Variants in DMKN observed in about 807,000 individuals in gnomAD.
The protein encoded by DMKN is epidermis-specific secreted protein SK30/SK89.
DMKN carries 58 observed loss-of-function variants against 67.6 expected under a neutral mutation model. The ratio of observed to expected loss-of-function variants is 0.86; its 90% confidence interval spans 0.69 to 1.07. DMKN has a LOEUF of 1.07. DMKN is among the 50% of genes least tolerant of loss of function. The probability of loss-of-function intolerance (pLI) is 0.00; values close to 1 mark genes in which losing one functional copy is unlikely to be tolerated. For synonymous variants in DMKN, 240 were observed against 232.3 expected (o/e 1.03, Z -0.30); for missense variants, 596 against 601.5 (o/e 0.99, Z 0.10).
intron 7 of DMKN, chr19:35,506,865 TAGTC>T (rs2069649149): frequency 4.6e-6 from 1 of 218,172 alleles, no homozygotes; most frequent in Non-Finnish European, 9.4e-6. Context: ...AATACAAAAT[TAGTC>T]AGGCATGGTG....
At chr19:35,505,916 C>T in intron 8 of DMKN, 23 bp downstream of exon 8, 1 of 1,614,176 alleles carries the variant, frequency 6.2e-7, no homozygotes, top group Non-Finnish European at 8.5e-7. Flanking sequence ...TGCGAGTGAA[C>T]AGAGCCATCT....
At chr19:35,498,664 C>T (rs2067849747) in intron 15 of DMKN, 52 bp downstream of exon 15, 2 of 1,611,680 alleles carry the variant, frequency 1.2e-6, no homozygotes, top group Non-Finnish European at 1.7e-6. Context: ...CCCCGGGTGA[C>T]TGTGCCTCCA....
chr19:35,508,092 A>G, intron 7 of DMKN: 1 of 1,375,590 alleles, frequency 7.3e-7, no homozygotes, highest in Non-Finnish European at 1.0e-6. Flanking sequence ...GCTCTCAGGT[A>G]GACCTGGCAG....
intron 11 of DMKN, among the ~76,000 whole-genome samples, chr19:35,501,531 C>A (rs1402769934): frequency 6.6e-6 from 1 of 152,200 alleles, no homozygotes; most frequent in Non-Finnish European, 1.5e-5. Context: ...ATATACTTGG[C>A]ACACGTAGAC....
chr19:35,498,966 T>A, intron 13 of DMKN, 69 bp from the exon 14 acceptor site: 1 of 1,611,608 alleles, frequency 6.2e-7, no homozygotes, highest in Non-Finnish European at 8.5e-7. Flanking sequence ...GCCTCCACGC[T>A]CATGAAGGGC....
rs759068257 is a variant in DMKN, at chr19:35,509,923, T to C, written c.1026A>G (p.Glu342=). 4.4e-5 allele frequency: 71 copies of C among 1,614,068 alleles called. No homozygotes were observed. Among genetic ancestry groups the C allele is most frequent in the Middle Eastern group, 1.6e-4 (1 of 6,084 alleles). ...CTTTGGCTCTCACCTGAATCCCAGA[T>C]TCCCCGCTCCCGCGGGCTTCATTCC... is the stretch of plus-strand genomic sequence containing the variant. ...KPGNEARGSG[E]SGIQNSETSP... is the part of the protein sequence containing the mutation. The change falls in exon 7 of 16, where the codon GAA becomes GAG. Residue 342 remains glutamate (E), a synonymous_variant. Transcript: ENST00000339686.
At chr19:35,508,377 AT>A (rs903801392) in intron 7 of DMKN, 14 of 961,866 alleles carry the variant, frequency 1.5e-5, no homozygotes, top group East Asian at 2.9e-5. Context: ...AAACACTGAC[AT>A]TTTTTTAGGA....
intron 9 of DMKN, 125 bp downstream of exon 9, chr19:35,505,593 T>G (rs890231665): frequency 3.6e-5 from 45 of 1,264,322 alleles, no homozygotes; most frequent in Non-Finnish European, 4.7e-5. Context: ...GTGTGTTTAG[T>G]TTTTGTTTTT....
At chr19:35,506,520 A>G (rs759580675) in intron 7 of DMKN, 1 of 503,856 alleles carries the variant, frequency 2.0e-6, no homozygotes, top group South Asian at 1.5e-5. Flanking sequence ...CTTATGCAGC[A>G]TCTGTCTCCA....
At chr19:35,507,809 A>G (rs1467026501) in intron 7 of DMKN, 1 of 448,176 alleles carries the variant, frequency 2.2e-6, no homozygotes, top group Non-Finnish European at 4.0e-6. Flanking sequence ...TCCATCAGGG[A>G]GGGCTTTGCC....
intron 11 of DMKN, 107 bp from the exon 12 acceptor site, chr19:35,500,687 C>T (rs1185253918): frequency 2.3e-6 from 3 of 1,305,212 alleles, no homozygotes; most frequent in Non-Finnish European, 3.1e-6. Context: ...CACGTGCTAC[C>T]TATAGAGAAG....
At position 35,511,453 on chromosome 19, in the gene DMKN, GTTGCCACTGCTGCCA is replaced by G; in HGVS notation, c.861_875del (p.Gly288_Asn292del). On this transcript the variant is annotated inframe_deletion, in exon 5 of 16. Coordinates refer to ENST00000339686, the MANE Select transcript of DMKN (RefSeq NM_033317.5). ...CGCTGTCACCTCTGCTGCCACCACT[GTTGCCACTGCTGCCA>G]CCACTGCTGCCGCCACTGCTGCCGC... 1 of 1,585,684 alleles carries G rather than the reference GTTGCCACTGCTGCCA, an allele frequency of 6.3e-7. No individual in the cohort carries two copies. Among genetic ancestry groups the G allele is most frequent in the African/African-American group, 1.4e-5 (1 of 71,796 alleles).
At chr19:35,505,870 G>T in intron 8 of DMKN, 69 bp downstream of exon 8, 2 of 1,613,188 alleles carry the variant, frequency 1.2e-6, no homozygotes, top group Non-Finnish European at 1.7e-6. Context: ...GAGGACCCCA[G>T]ACTGTGGGGC....
intron 7 of DMKN, chr19:35,509,710 T>C: frequency 1.7e-6 from 1 of 601,496 alleles, no homozygotes; most frequent in Non-Finnish European, 2.9e-6. Context: ...AGGTGAGGTA[T>C]ATCACAGCAA....
chr19:35,507,342 C>T (rs534731467), intron 7 of DMKN: 81 of 1,025,820 alleles, frequency 7.9e-5, no homozygotes, highest in African/African-American at 3.2e-4. Context: ...GGTCACTGGA[C>T]GCAGATTCAG....
rs1358866017 is a variant in DMKN, at chr19:35,502,874, G to A, written c.1147C>T (p.Pro383Ser). The A allele has an allele frequency of 6.2e-6, 10 of 1,614,044 alleles. No homozygotes were observed. The highest frequency in any genetic ancestry group is 2.2e-5 in the South Asian group (2 of 91,080). Residue 383 changes from proline (P) to serine (S), a missense_variant, in exon 10 of 16, where the codon CCC (proline) becomes TCC (serine). Transcript: ENST00000339686. The part of the protein sequence containing the change: ...WDAINKNQVP[P>S]PSTRALLYFS... Reference sequence around the variant, plus strand: ...TAGAGGAGGGCTCGGGTGCTGGGGGGCGGGACCTGGTTCTGTGGATGAAAG... The same window carrying A: ...TAGAGGAGGGCTCGGGTGCTGGGGGACGGGACCTGGTTCTGTGGATGAAAG...
intron 9 of DMKN, among the ~76,000 whole-genome samples, chr19:35,503,128 C>A (rs1397370006): frequency 6.6e-6 from 1 of 152,180 alleles, no homozygotes; most frequent in African/African-American, 2.4e-5. Context: ...AGTTCCCCAG[C>A]CTCCAGCAGA....
At position 35,503,368 on chromosome 19, in the gene DMKN, T is replaced by A. The variant is rs907136169; in HGVS notation, c.1135-482A>T. On this transcript the variant is annotated intron_variant, in intron 9 of 15. Coordinates refer to ENST00000339686, the MANE Select transcript of DMKN (RefSeq NM_033317.5). ...GATTAGTGATGAGAGGGTGGTGTTT[T>A]AAGGAGGGAGTGTGGGGGCTCCCAT... The A allele has an allele frequency of 4.0e-5, 62 of 1,549,136 alleles. 1 individual carries two copies. The highest frequency in any genetic ancestry group is 5.0e-5 in the Non-Finnish European group (57 of 1,146,188).
At chr19:35,510,310 C>T in intron 5 of DMKN, 58 bp from the exon 6 acceptor site, 1 of 1,557,390 alleles carries the variant, frequency 6.4e-7, no homozygotes, top group Non-Finnish European at 8.7e-7. Flanking sequence ...GGGACCCAGT[C>T]GTTCCCAGCG....
Sources: allele counts gnomAD v4.1 joint callset (sites outside exome capture counted in the v4.1 genomes callset), GRCh38; gene constraint gnomAD v4.1.1; transcripts MANE v1.5; gene names NCBI Gene and HGNC (gene_info 2026-07-23, HGNC 2026-07-21).